Variants in PLXDC2 observed in about 807,000 individuals in gnomAD.
PLXDC2 encodes plexin domain-containing protein 2.
Under a neutral mutation model 68.9 loss-of-function variants are expected in PLXDC2, and 40 were observed. The observed-to-expected ratio is 0.58, with a 90% CI of 0.45 to 0.76. The LOEUF is 0.76. PLXDC2 is among the 30% of genes least tolerant of loss of function. The pLI is 0.00. For missense variants in PLXDC2, 644 were observed against 661.9 expected (o/e 0.97, Z 0.30); for synonymous variants, 243 against 234.2 (o/e 1.04, Z -0.34).
intron 7 of PLXDC2, among the ~76,000 whole-genome samples, chr10:20,171,088 C>T (rs927496724): frequency 1.3e-5 from 2 of 152,050 alleles, no homozygotes; most frequent in Non-Finnish European, 2.9e-5. Flanking sequence ...AGGACACATT[C>T]ACTATAATTA....
At chr10:20,053,274 A>T (rs183446362) in intron 3 of PLXDC2, among the ~76,000 whole-genome samples, 2 of 152,242 alleles carry the variant, frequency 1.3e-5, no homozygotes, top group Non-Finnish European at 2.9e-5. Flanking sequence ...TGTTTAAATA[A>T]CATTTCTTAA....
At chr10:20,074,122 G>A (rs1175734204) in intron 4 of PLXDC2, among the ~76,000 whole-genome samples, 1 of 152,002 alleles carries the variant, frequency 6.6e-6, no homozygotes, top group Non-Finnish European at 1.5e-5. Flanking sequence ...TTGAATATGA[G>A]ATTGAAAAGC....
At chr10:20,002,587 C>T (rs560525565) in intron 2 of PLXDC2, among the ~76,000 whole-genome samples, 1 of 152,182 alleles carries the variant, frequency 6.6e-6, no homozygotes, top group South Asian at 2.1e-4. Flanking sequence ...GTGCCATAAG[C>T]AAATCATCCC....
At chr10:20,186,245 A>G (rs1834680977) in intron 9 of PLXDC2, among the ~76,000 whole-genome samples, 1 of 151,956 alleles carries the variant, frequency 6.6e-6, no homozygotes, top group South Asian at 2.1e-4. Context: ...CATCATAGAC[A>G]GAAAGAGAGA....
intron 9 of PLXDC2, among the ~76,000 whole-genome samples, chr10:20,206,672 A>G (rs1044113998): frequency 3.3e-5 from 5 of 152,136 alleles, no homozygotes; most frequent in Non-Finnish European, 7.4e-5. Context: ...TTTATTTACA[A>G]TAAAAATTGC....
chr10:20,109,687 G>T (rs540179862), intron 4 of PLXDC2, among the ~76,000 whole-genome samples: 13 of 152,214 alleles, frequency 8.5e-5, no homozygotes, highest in Non-Finnish European at 1.9e-4. Context: ...CAGTGAAGAA[G>T]GTTTAAATGT....
chr10:19,851,637 C>T (rs948977013), intron 1 of PLXDC2, among the ~76,000 whole-genome samples: 5 of 152,172 alleles, frequency 3.3e-5, no homozygotes, highest in African/African-American at 4.8e-5. Flanking sequence ...CCTCCACCTC[C>T]TGGGTTCAAG....
chr10:20,225,537 G>A (rs1169294267), intron 12 of PLXDC2, among the ~76,000 whole-genome samples: 1 of 152,030 alleles, frequency 6.6e-6, no homozygotes, highest in Non-Finnish European at 1.5e-5. Flanking sequence ...TACTTTTCAT[G>A]ACAGCACTAA....
At chr10:19,894,452 G>A (rs953581145) in intron 1 of PLXDC2, among the ~76,000 whole-genome samples, 4 of 152,016 alleles carry the variant, frequency 2.6e-5, no homozygotes, top group Admixed American at 2.6e-4. Context: ...ACAAAAGTAG[G>A]TTGGAGGACA....
chr10:19,994,646 G>A (rs186395128), intron 1 of PLXDC2, among the ~76,000 whole-genome samples: 2 of 152,044 alleles, frequency 1.3e-5, no homozygotes, highest in Admixed American at 1.3e-4. Context: ...ACTGCACTCA[G>A]TTTAAAATCT....
chr10:19,930,415 T>G (rs750105542), intron 1 of PLXDC2, among the ~76,000 whole-genome samples: 4 of 152,174 alleles, frequency 2.6e-5, no homozygotes, highest in Non-Finnish European at 4.4e-5. Flanking sequence ...AATTCATGGT[T>G]GTCAAGAGAA....
chr10:20,177,416 A>C lies in PLXDC2; in HGVS notation c.1061+7A>C, dbSNP rs941800796. The C allele has an allele frequency of 6.6e-6, 9 of 1,370,674 alleles. No homozygotes were observed. The highest frequency in any genetic ancestry group is 8.9e-6 in the Non-Finnish European group (9 of 1,005,906). 84.9% of individuals were successfully genotyped at this position (1,370,674 alleles called of 1,614,324 possible). A position where few individuals can be genotyped will look rare whatever the true frequency, so the allele number is the denominator to read the frequency against. On this transcript the variant is annotated splice_region_variant and intron_variant, in intron 9 of 13. Coordinates refer to ENST00000377252, the MANE Select transcript of PLXDC2 (RefSeq NM_032812.9). ...GGTGTAGTAAACTTCAAAGGTAAAA[A>C]TATAATAATAAGAATAATAATAAAA... is the stretch of plus-strand genomic sequence containing the variant.
intron 3 of PLXDC2, among the ~76,000 whole-genome samples, chr10:20,062,836 G>A (rs1836129819): frequency 6.6e-6 from 1 of 151,994 alleles, no homozygotes; most frequent in Non-Finnish European, 1.5e-5. Context: ...TATTAGAGAT[G>A]TAAATCTTAC....
chr10:19,885,112 A>C (rs1837817434), intron 1 of PLXDC2, among the ~76,000 whole-genome samples: 1 of 152,048 alleles, frequency 6.6e-6, no homozygotes. Flanking sequence ...AGTGATGATG[A>C]GCATTTTTTC....
At chr10:20,006,440 C>T (rs1216375660) in intron 2 of PLXDC2, among the ~76,000 whole-genome samples, 2 of 152,104 alleles carry the variant, frequency 1.3e-5, no homozygotes, top group African/African-American at 4.8e-5. Context: ...ATTATTTTGT[C>T]TCGTAGCCCT....
chr10:19,996,257 A>C (rs970971122), intron 1 of PLXDC2, among the ~76,000 whole-genome samples: 3 of 152,148 alleles, frequency 2.0e-5, no homozygotes, highest in Admixed American at 6.5e-5. Flanking sequence ...CCTGGGCAAC[A>C]AAATGAGACC....
intron 4 of PLXDC2, among the ~76,000 whole-genome samples, chr10:20,116,506 G>A (rs1431925984): frequency 6.6e-6 from 1 of 151,748 alleles, no homozygotes; most frequent in Admixed American, 6.6e-5. Context: ...TTTTTTGAGA[G>A]CACTTCTTAA....
rs796581734 is a variant in PLXDC2 at position 19,928,749 on chromosome 10, CTTTTTTTT to C, written c.113-73010_113-73003del. On this transcript the variant is annotated intron_variant, in intron 1 of 13. Coordinates refer to ENST00000377252, the MANE Select transcript of PLXDC2 (RefSeq NM_032812.9). ...TTCGGTGATGGAAGGGAAGATAGGACTTTTTTTTTTTTTTTTTTTTTTTGAAACAGAGA... is the reference window on the plus strand; with the variant it reads ...TTCGGTGATGGAAGGGAAGATAGGACTTTTTTTTTTTTTTTGAAACAGAGA... Among the ~76,000 whole-genome samples, 24 of 105,200 alleles carry C rather than the reference CTTTTTTTT, an allele frequency of 2.3e-4. No individual in the cohort carries two copies. The East Asian group carries it at 2.4e-3, about 11-fold the overall frequency. 69.0% of individuals were successfully genotyped at this position (105,200 alleles called of 152,430 possible).
At chr10:19,910,242 G>C (rs77267126) in intron 1 of PLXDC2, among the ~76,000 whole-genome samples, 3,274 of 150,734 alleles carry the variant, frequency 0.022, 46 homozygotes, top group African/African-American at 0.031. Flanking sequence ...TTTCATCTTT[G>C]GAAATTAAAT....
Sources: allele counts gnomAD v4.1 joint callset (sites outside exome capture counted in the v4.1 genomes callset), GRCh38; gene constraint gnomAD v4.1.1; transcripts MANE v1.5; gene names NCBI Gene and HGNC (gene_info 2026-07-23, HGNC 2026-07-21).